Variants in PON1 observed in about 807,000 individuals in gnomAD.
PON1 encodes the protein serum paraoxonase/arylesterase 1.
PON1 carries 37 observed loss-of-function variants against 39.2 expected under a neutral mutation model. The ratio of observed to expected loss-of-function variants is 0.94; its 90% CI spans 0.73 to 1.24. The LOEUF (loss-of-function observed/expected upper bound fraction) is 1.24. Ranked by LOEUF, PON1 falls within the 50% of genes most tolerant of loss-of-function variation. PON1 has a pLI of 0.00. For missense variants in PON1, 397 were observed against 413.5 expected, an observed-to-expected ratio of 0.96 and a Z score of 0.35; for synonymous variants, 148 against 152.2, an observed-to-expected ratio of 0.97 and a Z score of 0.21.
Position 95,311,728 on chromosome 7 carries a change from T to C in PON1, c.371-151A>G, listed in dbSNP as rs887626052. Reference sequence around the variant, plus strand: ...ATCTCTTTGTAGAGAGAAGCATTGGTGATTGCTCCTGTTCCAAACAAAAGT... The same window carrying C: ...ATCTCTTTGTAGAGAGAAGCATTGGCGATTGCTCCTGTTCCAAACAAAAGT... On this transcript the variant is annotated intron_variant, in intron 4 of 8. Transcript: ENST00000222381. 5.9e-6 allele frequency: 5 copies of C among 842,872 alleles called. No individual in the cohort carries two copies. In the African/African-American group the frequency reaches 8.5e-5, roughly 14 times the overall value. 52.2% of individuals were successfully genotyped at this position (842,872 alleles called of 1,614,324 possible).
At chr7:95,299,808 T>G (rs1807377998) in intron 8 of PON1, among the ~76,000 whole-genome samples, 1 of 151,984 alleles carries the variant, frequency 6.6e-6, no homozygotes, top group African/African-American at 2.4e-5. Flanking sequence ...TAAACCCCCT[T>G]TACATATATA....
chr7:95,300,027 C>A (rs1395559564), intron 8 of PON1, among the ~76,000 whole-genome samples: 3 of 151,040 alleles, frequency 2.0e-5, no homozygotes, highest in African/African-American at 2.5e-5. Context: ...GTGTACCATA[C>A]TCATGTGTTC....
chr7:95,301,674 A>G (rs1422013905), intron 8 of PON1, among the ~76,000 whole-genome samples: 6 of 151,996 alleles, frequency 3.9e-5, no homozygotes, highest in Non-Finnish European at 7.4e-5. Flanking sequence ...CTCCCCTCAA[A>G]TTATCCAATT....
rs768269020 is a variant in PON1 at position 95,315,504 on chromosome 7, G to A, written c.202-14C>T. 1.2e-6 allele frequency: 2 copies of A among 1,612,844 alleles called. No homozygotes were observed. Among genetic ancestry groups the A allele is most frequent in the Admixed American group, 1.7e-5 (1 of 59,996 alleles). ...ATACTTTAATCCCTTATAAACCATG[G>A]AGGAGAAAAATCAAGCACAATACCA... On this transcript the variant is annotated splice_polypyrimidine_tract_variant and intron_variant, in intron 3 of 8. Coordinates refer to ENST00000222381, the MANE Select transcript of PON1 (RefSeq NM_000446.7).
intron 1 of PON1, among the ~76,000 whole-genome samples, chr7:95,321,691 C>T (rs1252145703): frequency 6.6e-6 from 1 of 152,074 alleles, no homozygotes; most frequent in Non-Finnish European, 1.5e-5. Flanking sequence ...ACTAAGGACT[C>T]TTCCCTGTAT....
At chr7:95,307,859 C>T (rs774088260) in intron 6 of PON1, 152 bp downstream of exon 6, 2 of 805,416 alleles carry the variant, frequency 2.5e-6, no homozygotes, top group Non-Finnish European at 4.0e-6. Context: ...AAATTTCACC[C>T]CCTGAAAAAT....
intron 7 of PON1, among the ~76,000 whole-genome samples, chr7:95,305,208 G>A (rs1329704359): frequency 6.6e-6 from 1 of 152,210 alleles, no homozygotes; most frequent in East Asian, 1.9e-4. Context: ...GGCGCTGACA[G>A]TGCTTCCTGC....
At chr7:95,299,176 C>T in intron 8 of PON1, 74 bp from the exon 9 acceptor site, 3 of 1,414,620 alleles carry the variant, frequency 2.1e-6, no homozygotes, top group Middle Eastern at 3.5e-4. Flanking sequence ...ATAGGGTCAT[C>T]CTCCATAAGA....
Position 95,298,854 on chromosome 7 carries a change from T to C in PON1, c.*90A>G. 1 of 1,484,708 alleles carries C rather than the reference T, an allele frequency of 6.7e-7. No individual in the cohort carries two copies. Among genetic ancestry groups the C allele is most frequent in the South Asian group, 1.1e-5 (1 of 87,504 alleles). The allele number at this position is 1,484,708 out of a possible 1,614,324, so 92.0% of individuals were successfully genotyped here. A position where few individuals can be genotyped will look rare whatever the true frequency, so the allele number is the denominator to read the frequency against. On this transcript the variant is annotated 3_prime_UTR_variant, in exon 9 of 9. Coordinates refer to ENST00000222381, the MANE Select transcript of PON1 (RefSeq NM_000446.7). ...TGTCCACATTTAGGGTCAGCATTCATTGTTCAGCTAAGAACACTGGGTCCT... is the reference window on the plus strand; with the variant it reads ...TGTCCACATTTAGGGTCAGCATTCACTGTTCAGCTAAGAACACTGGGTCCT...
Position 95,304,257 on chromosome 7 carries a change from T to A in PON1, c.781-1924A>T, listed in dbSNP as rs558480703. On this transcript the variant is annotated intron_variant, in intron 7 of 8. Transcript: ENST00000222381. ...CGTACAATATTTATCCTTTTGTTGC[T>A]GGCTTATGTCATTTAGCATCATGTT... Among the ~76,000 whole-genome samples the A allele has an allele frequency of 4.7e-5, 7 of 150,416 alleles. No homozygotes were observed. In the South Asian group the frequency reaches 1.5e-3, roughly 31 times the overall value.
Position 95,324,443 on chromosome 7 carries a change from C to T in PON1, c.33G>A (p.Gly11=), listed in dbSNP as rs767884678. MAKLIALTLL[G]MGLALFRNHQ... ...GGTTCCTGAAGAGTGCCAGTCCCAT[C>T]CCCAAGAGGGTGAGCGCAATCAGCT... The change falls in exon 1 of 9, where the codon GGG becomes GGA. Residue 11 remains glycine (G), a synonymous_variant. Coordinates refer to ENST00000222381, the MANE Select transcript of PON1 (RefSeq NM_000446.7). 1 of 1,614,180 alleles carries T rather than the reference C, an allele frequency of 6.2e-7. No individual in the cohort carries two copies. The highest frequency in any genetic ancestry group is 1.7e-5 in the Admixed American group (1 of 60,030).
chr7:95,320,890 C>A (rs1431810762), intron 1 of PON1, among the ~76,000 whole-genome samples: 3 of 152,204 alleles, frequency 2.0e-5, no homozygotes, highest in African/African-American at 7.2e-5. Flanking sequence ...ACAGCCTTTG[C>A]TGTGAACTTG....
At chr7:95,323,099 G>C (rs1045278944) in intron 1 of PON1, among the ~76,000 whole-genome samples, 1 of 152,118 alleles carries the variant, frequency 6.6e-6, no homozygotes, top group Non-Finnish European at 1.5e-5. Flanking sequence ...TGATTCAATA[G>C]TGTGGGGTAG....
chr7:95,313,585 G>A (rs1807700233), intron 4 of PON1, among the ~76,000 whole-genome samples: 1 of 151,554 alleles, frequency 6.6e-6, no homozygotes, highest in African/African-American at 2.4e-5. Context: ...GGGTGGATGA[G>A]TGGAAAGTCC....
Position 95,311,501 on chromosome 7 carries a change from T to C in PON1, c.447A>G (p.Glu149=), listed in dbSNP as rs1282801386. 6.2e-6 allele frequency: 10 copies of C among 1,614,036 alleles called. No individual in the cohort carries two copies. The highest frequency in any genetic ancestry group is 1.6e-4 in the Middle Eastern group (1 of 6,084). The change falls in exon 5 of 9, where the codon GAA becomes GAG. Residue 149 remains glutamate, a synonymous_variant. Coordinates refer to ENST00000222381, the MANE Select transcript of PON1 (RefSeq NM_000446.7). ...STVELFKFQE[E]EKSLLHLKTI... is the part of the protein sequence containing the mutation. ...TTTTTAGATGCAAAAGCGATTTTTC[T>C]TCTTCTTGAAATTTAAACAACTCCA...
At position 95,308,113 on chromosome 7, in the gene PON1, C is replaced by A; in HGVS notation, c.596G>T (p.Gly199Val). Reference sequence around the variant, plus strand: ...GTAGACAACATACGACCACGCTAAACCCAAATACATCTCCCAGGATTGTAA... The same window carrying A: ...GTAGACAACATACGACCACGCTAAAACCAAATACATCTCCCAGGATTGTAA... The part of the protein sequence containing the change: ...PYLQSWEMYL[G>V]LAWSYVVYYS... Residue 199 changes from glycine to valine, a missense_variant, in exon 6 of 9, where the codon GGT becomes GTT. Transcript: ENST00000222381. 6.2e-7 allele frequency: 1 copy of A among 1,614,072 alleles called. No homozygotes were observed. Among genetic ancestry groups the A allele is most frequent in the Middle Eastern group, 1.6e-4 (1 of 6,062 alleles).
chr7:95,300,060 A>G (rs190207516), intron 8 of PON1, among the ~76,000 whole-genome samples: 4 of 152,288 alleles, frequency 2.6e-5, no homozygotes, highest in Admixed American at 2.0e-4. Flanking sequence ...CCTGTCTCTA[A>G]ATGTATAAGA....
At position 95,315,337 on chromosome 7, in the gene PON1, T is replaced by G; in HGVS notation, c.355A>C (p.Thr119Pro). 1.9e-6 allele frequency: 3 copies of G among 1,613,380 alleles called. No individual in the cohort carries two copies. Among genetic ancestry groups the G allele is most frequent in the Non-Finnish European group, 2.5e-6 (3 of 1,179,400 alleles). ...VSSFNPHGISTFTDEDNAMYL... is the reference protein window; with the variant it reads ...VSSFNPHGISPFTDEDNAMYL... ...ATATTGTTACCTTCATCTGTGAATG[T>G]GCTAATCCCATGAGGGTTAAATGAA... Residue 119 changes from threonine to proline, a missense_variant, in exon 4 of 9, where the codon ACA becomes CCA. Coordinates refer to ENST00000222381, the MANE Select transcript of PON1 (RefSeq NM_000446.7).
intron 2 of PON1, among the ~76,000 whole-genome samples, chr7:95,317,837 G>A (rs1807805345): frequency 6.6e-6 from 1 of 151,984 alleles, no homozygotes; most frequent in Admixed American, 6.6e-5. Flanking sequence ...CTGTCCTCCA[G>A]CTCTGACAAA....
Sources: gnomAD v4.1 joint callset for allele counts (sites outside exome capture counted in the v4.1 genomes callset) on GRCh38, gnomAD v4.1.1 for gene constraint, MANE v1.5 for transcripts, NCBI Gene and HGNC (gene_info 2026-07-23, HGNC 2026-07-21) for gene names.